The following MMP11 variants were observed in gnomAD, a reference collection of about 807,000 sequenced individuals.
The protein encoded by MMP11 is stromelysin-3.
A neutral mutation model predicts 49.5 loss-of-function variants in MMP11; 26 were observed. The observed-to-expected ratio is 0.52, with a 90% CI of 0.38 to 0.73. MMP11 has a LOEUF of 0.73. Ranked by LOEUF, MMP11 falls within the 30% of genes least tolerant of loss-of-function variation. The pLI is 0.00. For synonymous variants in MMP11, 265 were observed against 282.3 expected (o/e 0.94, Z 0.62); for missense variants, 624 against 671.2 (o/e 0.93, Z 0.78).
chr22:23,782,073 G>T, intron 6 of MMP11, 153 bp from the exon 7 acceptor site: 7 of 1,133,524 alleles, frequency 6.2e-6, no homozygotes, highest in Non-Finnish European at 8.9e-6. Context: ...TCCCTCTGCG[G>T]GTGGGGTGCT....
At chr22:23,776,376 C>CGAG (rs1214745163) in intron 1 of MMP11, among the ~76,000 whole-genome samples, 4 of 152,104 alleles carry the variant, frequency 2.6e-5, no homozygotes, top group Admixed American at 2.0e-4. Context: ...GGCAGTGTGG[C>CGAG]GAGGAGGAGG....
intron 1 of MMP11, among the ~76,000 whole-genome samples, chr22:23,776,147 G>GC (rs1363330965): frequency 6.6e-6 from 1 of 152,186 alleles, no homozygotes; most frequent in East Asian, 1.9e-4. Flanking sequence ...AGGGGTGGGG[G>GC]CATGCCCGTG....
intron 1 of MMP11, among the ~76,000 whole-genome samples, chr22:23,774,544 C>T (rs978102287): frequency 6.6e-6 from 1 of 152,104 alleles, no homozygotes; most frequent in Admixed American, 6.6e-5. Context: ...TACCGTCCCT[C>T]CTGGAGCCAG....
rs1366230822 is a variant in MMP11 at position 23,780,246 on chromosome 22, GC to G, written c.339-111del. On this transcript the variant is annotated intron_variant, in intron 2 of 7. Transcript: ENST00000215743. The surrounding 1 kb of genome is among the most constrained non-coding windows in gnomAD (Gnocchi z 4.6). ...GAAGCTGAGGCCCAGAGTACACCTG[GC>G]CTGTGTCCTGAGTGTTCACACACCC... is the stretch of plus-strand genomic sequence containing the variant. The G allele has an allele frequency of 3.0e-6, 4 of 1,331,442 alleles. No homozygotes were observed. The highest frequency in any genetic ancestry group is 4.2e-6 in the Non-Finnish European group (4 of 954,882). 82.5% of individuals were successfully genotyped at this position (1,331,442 alleles called of 1,614,324 possible).
chr22:23,780,997 G>A lies in MMP11; in HGVS notation c.755G>A (p.Gly252Asp). ...AGTCTCAGCCCAGATGACTGCAGGG[G>A]CGTTCAACACCTATATGGCCAGCCC... ...PLSLSPDDCR[G>D]VQHLYGQPWP... Residue 252 changes from glycine to aspartate, a missense_variant, in exon 5 of 8, where the codon GGC becomes GAC. Transcript: ENST00000215743. This position sits in a 1 kb window ranked among gnomAD's most constrained non-coding sequence, Gnocchi z 4.6. 1 of 1,613,406 alleles carries A rather than the reference G, an allele frequency of 6.2e-7. No homozygotes were observed. Among genetic ancestry groups the A allele is most frequent in the Non-Finnish European group, 8.5e-7 (1 of 1,180,028 alleles).
At chr22:23,773,097 C>G in intron 1 of MMP11, 119 bp downstream of exon 1, 1 of 1,035,758 alleles carries the variant, frequency 9.7e-7, no homozygotes, top group Non-Finnish European at 1.2e-6. Flanking sequence ...CGCCCGGTAC[C>G]CGAAACGCTT....
intron 1 of MMP11, among the ~76,000 whole-genome samples, chr22:23,776,496 C>T (rs1053187204): frequency 7.9e-5 from 12 of 152,204 alleles, no homozygotes; most frequent in South Asian, 2.1e-4. Context: ...GCAAAATGCC[C>T]GGGAAATAGC....
intron 1 of MMP11, among the ~76,000 whole-genome samples, chr22:23,773,693 T>G (rs1927314747): frequency 6.6e-6 from 1 of 152,134 alleles, no homozygotes; most frequent in Admixed American, 6.5e-5. Flanking sequence ...GGGACTGTCA[T>G]GGAGTGTGTG....
Position 23,779,285 on chromosome 22 carries a change from C to G in MMP11, c.207C>G (p.Pro69=). Residue 69 remains proline, a synonymous_variant, in exon 2 of 8, where the codon CCC becomes CCG. Transcript: ENST00000215743. ...PAPAPATQEA[P]RPASSLRPPR... Reference sequence around the variant, plus strand: ...CTGCCCCTGCCACGCAGGAAGCCCCCCGGCCTGCCAGCAGCCTCAGGCCTC... The same window carrying G: ...CTGCCCCTGCCACGCAGGAAGCCCCGCGGCCTGCCAGCAGCCTCAGGCCTC... 5 of 1,610,458 alleles carry G rather than the reference C, an allele frequency of 3.1e-6. No homozygotes were observed. Among genetic ancestry groups the G allele is most frequent in the Non-Finnish European group, 4.2e-6 (5 of 1,178,938 alleles).
chr22:23,782,166 C>G (rs954508382), intron 6 of MMP11, 60 bp from the exon 7 acceptor site: 3 of 1,577,798 alleles, frequency 1.9e-6, no homozygotes, highest in Non-Finnish European at 2.6e-6. Context: ...AGCAGGTCCA[C>G]AGTGGCGGGG....
At chr22:23,776,697 C>T (rs1927421303) in intron 1 of MMP11, among the ~76,000 whole-genome samples, 2 of 152,132 alleles carry the variant, frequency 1.3e-5, no homozygotes, top group African/African-American at 4.8e-5. Context: ...CCCATTTCCT[C>T]ATCCTGGAAA....
chr22:23,782,597 G>A, intron 7 of MMP11, 114 bp downstream of exon 7: 1 of 1,326,572 alleles, frequency 7.5e-7, no homozygotes, highest in Non-Finnish European at 1.0e-6. Context: ...TTCATCACAG[G>A]TCCTTTGTCC....
In MMP11 at chr22:23,781,400, T is replaced by C; in HGVS notation, c.1066T>C (p.Phe356Leu). The C allele has an allele frequency of 2.5e-6, 4 of 1,602,988 alleles. No homozygotes were observed. The highest frequency in any genetic ancestry group is 3.4e-6 in the Non-Finnish European group (4 of 1,174,692). The change falls in exon 6 of 8, where the codon TTC becomes CTC. Residue 356 changes from phenylalanine (F) to leucine (L), a missense_variant. By Grantham distance (22) the Phe-to-Leu change is conservative. Transcript: ENST00000215743. ...AFEDAQGHIW[F>L]FQGAQYWVYD... Reference sequence around the variant, plus strand: ...CGAGGATGCCCAGGGCCACATTTGGTTCTTCCAAGGTGAGTGGGGGTTGGG... The same window carrying C: ...CGAGGATGCCCAGGGCCACATTTGGCTCTTCCAAGGTGAGTGGGGGTTGGG...
In MMP11 at chr22:23,780,142, A is replaced by C. The variant is rs1302968653; in HGVS notation, c.339-217A>C. On this transcript the variant is annotated intron_variant, in intron 2 of 7. Coordinates refer to ENST00000215743, the MANE Select transcript of MMP11 (RefSeq NM_005940.5). This position sits in a 1 kb window ranked among gnomAD's most constrained non-coding sequence, Gnocchi z 4.6. Reference sequence around the variant, plus strand: ...CCCCTGGTCCTGGTTCTTTCCACTGAATTCAGACACTTGTATTTGCCTAAG... The same window carrying C: ...CCCCTGGTCCTGGTTCTTTCCACTGCATTCAGACACTTGTATTTGCCTAAG... 3 of 608,154 alleles carry C rather than the reference A, an allele frequency of 4.9e-6. No homozygotes were observed. The highest frequency in any genetic ancestry group is 8.6e-6 in the Non-Finnish European group (3 of 348,444). 37.7% of individuals were successfully genotyped at this position (608,154 alleles called of 1,614,324 possible).
Position 23,783,507 on chromosome 22 carries a change from T to A in MMP11, c.1430T>A (p.Phe477Tyr), listed in dbSNP as rs747116604. The change falls in exon 8 of 8, where the codon TTC (phenylalanine) becomes TAC (tyrosine). Residue 477 changes from phenylalanine (F) to tyrosine (Y), a missense_variant. Transcript: ENST00000215743. ...EGFPRLVGPD[F>Y]FGCAEPANTF... Reference sequence around the variant, plus strand: ...TTCCCCCGTCTCGTGGGTCCTGACTTCTTTGGCTGTGCCGAGCCTGCCAAC... The same window carrying A: ...TTCCCCCGTCTCGTGGGTCCTGACTACTTTGGCTGTGCCGAGCCTGCCAAC... 3.1e-6 allele frequency: 5 copies of A among 1,614,178 alleles called. No homozygotes were observed. In the East Asian group the frequency reaches 1.1e-4, roughly 36 times the overall value.
At chr22:23,779,518 T>G in intron 2 of MMP11, 102 bp downstream of exon 2, 2 of 1,060,944 alleles carry the variant, frequency 1.9e-6, no homozygotes, top group Non-Finnish European at 2.8e-6. Flanking sequence ...GGGTAGATCT[T>G]CGTGTCTAAC....
At chr22:23,781,527 A>C in intron 6 of MMP11, 118 bp downstream of exon 6, 1 of 967,904 alleles carries the variant, frequency 1.0e-6, no homozygotes, top group Non-Finnish European at 1.5e-6. Flanking sequence ...AGCTGCCCCA[A>C]AGCCTGGGGG....
At chr22:23,781,542 G>A (rs1212665067) in intron 6 of MMP11, 133 bp downstream of exon 6, 7 of 850,406 alleles carry the variant, frequency 8.2e-6, no homozygotes, top group Non-Finnish European at 1.3e-5. Context: ...TGGGGGCCGA[G>A]GGAGAGAGAG....
At position 23,779,388 on chromosome 22, in the gene MMP11, C is replaced by T. The variant is rs563846943; in HGVS notation, c.310C>T (p.Arg104Cys). Reference protein sequence around the residue: ...RQKRFVLSGGRWEKTDLTYRI... With the variant: ...RQKRFVLSGGCWEKTDLTYRI... ...GAAGAGGTTCGTGCTTTCTGGCGGG[C>T]GCTGGGAGAAGACGGACCTCACCTA... The change falls in exon 2 of 8, where the codon CGC (arginine) becomes TGC (cysteine). Residue 104 changes from arginine to cysteine, a missense_variant. Transcript: ENST00000215743. 16 of 1,612,552 alleles carry T rather than the reference C, an allele frequency of 9.9e-6. No homozygotes were observed. Among genetic ancestry groups the T allele is most frequent in the South Asian group, 6.6e-5 (6 of 90,830 alleles).
Sources: allele counts gnomAD v4.1 joint callset (sites outside exome capture counted in the v4.1 genomes callset), GRCh38; gene constraint gnomAD v4.1.1; non-coding constraint Gnocchi (gnomAD v3.1); transcripts MANE v1.5; gene names NCBI Gene and HGNC (gene_info 2026-07-23, HGNC 2026-07-21).